The following LRMDA variants were observed in gnomAD, a reference collection of about 807,000 sequenced individuals.
The protein encoded by LRMDA is leucine-rich melanocyte differentiation-associated protein.
LRMDA carries 18 observed loss-of-function variants against 29.8 expected under a neutral mutation model. The observed-to-expected ratio is 0.60, with a 90% CI of 0.42 to 0.90. LRMDA has a LOEUF of 0.90. Among genes scored for constraint, LRMDA ranks in the 40% least tolerant of loss-of-function variants. The pLI, the probability that LRMDA is intolerant of heterozygous loss-of-function variation, is 0.00. For missense variants in LRMDA, 273 were observed against 273.9 expected (o/e 1.00, Z 0.02); for synonymous variants, 125 against 109.4 (o/e 1.14, Z -0.89).
chr10:76,398,522 C>T (rs1029013278), intron 6 of LRMDA, among the ~76,000 whole-genome samples: 1 of 152,188 alleles, frequency 6.6e-6, no homozygotes, highest in Non-Finnish European at 1.5e-5. Flanking sequence ...GATTTTTTTG[C>T]TCATACCAAA....
At chr10:76,490,837 G>C (rs1016996215) in intron 6 of LRMDA, among the ~76,000 whole-genome samples, 2 of 151,854 alleles carry the variant, frequency 1.3e-5, no homozygotes, top group Admixed American at 1.3e-4. Context: ...TAGTTGTTTT[G>C]CGGTCATCTC....
intron 2 of LRMDA, among the ~76,000 whole-genome samples, chr10:75,958,647 T>G (rs1846707177): frequency 6.6e-6 from 1 of 152,232 alleles, no homozygotes; most frequent in Admixed American, 6.5e-5. Context: ...TTTTATGGAT[T>G]TCTATTCAAG....
At chr10:76,230,754 A>G (rs1375782451) in intron 5 of LRMDA, among the ~76,000 whole-genome samples, 1 of 152,254 alleles carries the variant, frequency 6.6e-6, no homozygotes, top group African/African-American at 2.4e-5. Flanking sequence ...TGAAATTTGC[A>G]GTGAAACTGA....
intron 2 of LRMDA, among the ~76,000 whole-genome samples, chr10:75,805,479 T>A (rs1346744482): frequency 1.3e-5 from 2 of 152,312 alleles, no homozygotes; most frequent in East Asian, 3.9e-4. Flanking sequence ...GAGTAGACAT[T>A]TCCAGGCACC....
chr10:76,246,355 A>G (rs1209036916), intron 5 of LRMDA, among the ~76,000 whole-genome samples: 2 of 152,192 alleles, frequency 1.3e-5, no homozygotes, highest in East Asian at 3.9e-4. Context: ...GGTTCTTACC[A>G]CCTCATGGTA....
intron 6 of LRMDA, among the ~76,000 whole-genome samples, chr10:76,542,710 G>A (rs1450878263): frequency 6.6e-6 from 1 of 152,218 alleles, no homozygotes; most frequent in Non-Finnish European, 1.5e-5. Context: ...TATCAGCCAG[G>A]CAAGGAGTGG....
chr10:76,342,362 G>A (rs1018578605), intron 6 of LRMDA, among the ~76,000 whole-genome samples: 4 of 152,014 alleles, frequency 2.6e-5, no homozygotes, highest in Non-Finnish European at 4.4e-5. Context: ...CTATGAGAAT[G>A]TATAGATAGA....
intron 2 of LRMDA, among the ~76,000 whole-genome samples, chr10:75,583,543 C>A (rs1433145699): frequency 6.6e-6 from 1 of 152,160 alleles, no homozygotes; most frequent in Non-Finnish European, 1.5e-5. Context: ...TAAAAACCGT[C>A]CCCATGATCC....
At chr10:75,970,226 C>G (rs556400037) in intron 2 of LRMDA, among the ~76,000 whole-genome samples, 4 of 152,334 alleles carry the variant, frequency 2.6e-5, no homozygotes, top group African/African-American at 9.6e-5. Context: ...TGAGCTCTGG[C>G]CTGACCAACA....
intron 2 of LRMDA, among the ~76,000 whole-genome samples, chr10:75,846,177 TTGTGTGTGTGTGTGTGTGTG>T (rs59549881): frequency 7.0e-6 from 1 of 142,976 alleles, no homozygotes; most frequent in African/African-American, 2.6e-5. Context: ...GTGTGTGTGT[TTGTGTGTGTGTGTGTGTGTG>T]TGTGTGTGTG....
chr10:75,707,270 G>A (rs1487937755), intron 2 of LRMDA, among the ~76,000 whole-genome samples: 4 of 152,176 alleles, frequency 2.6e-5, no homozygotes, highest in Admixed American at 2.6e-4. Flanking sequence ...AAAAGAGAAT[G>A]GCCTTGCTTT....
intron 2 of LRMDA, among the ~76,000 whole-genome samples, chr10:75,973,426 T>C (rs1847014053): frequency 6.6e-6 from 1 of 151,996 alleles, no homozygotes; most frequent in East Asian, 1.9e-4. Context: ...GTCCTTTTTT[T>C]TTTTTTTTTG....
At chr10:75,808,423 G>T (rs1030274661) in intron 2 of LRMDA, among the ~76,000 whole-genome samples, 3 of 152,208 alleles carry the variant, frequency 2.0e-5, no homozygotes, top group African/African-American at 7.2e-5. Context: ...CCAGAAAAAG[G>T]AAGGTGGTGC....
At chr10:76,051,525 G>A (rs1564639650) in intron 4 of LRMDA, among the ~76,000 whole-genome samples, 1 of 152,186 alleles carries the variant, frequency 6.6e-6, no homozygotes, top group Non-Finnish European at 1.5e-5. Flanking sequence ...CACACTGTTT[G>A]TTCATTACTC....
At chr10:75,855,801 G>A (rs552671375) in intron 2 of LRMDA, among the ~76,000 whole-genome samples, 40 of 152,252 alleles carry the variant, frequency 2.6e-4, no homozygotes, top group African/African-American at 8.9e-4. Flanking sequence ...AGTTTTCCCA[G>A]CACCATTTAT....
At chr10:75,609,896 G>A (rs532269702) in intron 2 of LRMDA, among the ~76,000 whole-genome samples, 1 of 152,222 alleles carries the variant, frequency 6.6e-6, no homozygotes, top group South Asian at 2.1e-4. Flanking sequence ...GGCCCAATAA[G>A]GGAAAGAATG....
At chr10:76,392,568 TTGAG>T (rs1238708008) in intron 6 of LRMDA, among the ~76,000 whole-genome samples, 1 of 152,110 alleles carries the variant, frequency 6.6e-6, no homozygotes, top group Non-Finnish European at 1.5e-5. Flanking sequence ...AGCATTTTTT[TTGAG>T]TGTCACATTG....
chr10:75,737,149 T>C (rs972040345), intron 2 of LRMDA, among the ~76,000 whole-genome samples: 11 of 152,130 alleles, frequency 7.2e-5, no homozygotes, highest in African/African-American at 1.9e-4. Context: ...TACCACCTGA[T>C]TGCCAGTGTT....
At chr10:75,624,470 TA>T (rs1445348520) in intron 2 of LRMDA, among the ~76,000 whole-genome samples, 1 of 152,240 alleles carries the variant, frequency 6.6e-6, no homozygotes, top group African/African-American at 2.4e-5. Flanking sequence ...ACATGGGTGA[TA>T]AACATGGGAA....
Sources: allele counts gnomAD v4.1 joint callset (sites outside exome capture counted in the v4.1 genomes callset), GRCh38; gene constraint gnomAD v4.1.1; transcripts MANE v1.5; gene names NCBI Gene and HGNC (gene_info 2026-07-23, HGNC 2026-07-21).